Variants in CPXM2 observed in about 807,000 individuals in gnomAD.
CPXM2 encodes the protein carboxypeptidase X, M14 family member 2.
In CPXM2, 66 loss-of-function variants were observed where a neutral mutation model predicts 86.1. The ratio of observed to expected loss-of-function variants is 0.77; its 90% confidence interval spans 0.63 to 0.94. The LOEUF (loss-of-function observed/expected upper bound fraction) is 0.94, where lower values mean the gene tolerates loss of function less well. Among genes scored for constraint, CPXM2 ranks in the 40% least tolerant of loss-of-function variants. The pLI, the probability that CPXM2 is intolerant of heterozygous loss-of-function variation, is 0.00. For missense variants in CPXM2, 948 were observed against 1,026.3 expected, an observed-to-expected ratio of 0.92 and a Z score of 1.04; for synonymous variants, 388 against 400.2, an observed-to-expected ratio of 0.97 and a Z score of 0.36.
At chr10:123,886,321 A>G (rs1414251773) in intron 1 of CPXM2, among the ~76,000 whole-genome samples, 1 of 152,220 alleles carries the variant, frequency 6.6e-6, no homozygotes. Flanking sequence ...AGACATTTCC[A>G]TCCAAAAGCC....
In CPXM2 at chr10:123,792,889, A is replaced by G. The variant is rs372458686; in HGVS notation, c.889+5087T>C. 1.7e-3 allele frequency among the ~76,000 whole-genome samples: 266 copies of G among 152,326 alleles called. 1 individual carries two copies. The highest frequency in any genetic ancestry group is 6.1e-3 in the African/African-American group (253 of 41,578). The stretch of plus-strand genomic sequence containing the variant: ...CAGAGCCACCGGCAGGAAAGACCTA[A>G]GGCAACCCAGAGCAGAGCTGGGACC... On this transcript the variant is annotated intron_variant, in intron 6 of 13. Coordinates refer to ENST00000241305, the MANE Select transcript of CPXM2 (RefSeq NM_198148.3).
At chr10:123,895,264 C>T (rs1945327947), upstream of CPXM2, among the ~76,000 whole-genome samples, 1 of 151,650 alleles carries the variant, frequency 6.6e-6, no homozygotes. Flanking sequence ...GCTGGGATTA[C>T]AGGTGCCTAC....
chr10:123,800,771 A>T (rs1206926102), intron 4 of CPXM2, among the ~76,000 whole-genome samples: 1 of 113,052 alleles, frequency 8.8e-6, no homozygotes, highest in Non-Finnish European at 2.1e-5. Flanking sequence ...GCCAAGTCAT[A>T]ATTTCTCAAA....
At position 123,750,340 on chromosome 10, in the gene CPXM2, C is replaced by T. The variant is rs1022194472; in HGVS notation, c.2018-3323G>A. On this transcript the variant is annotated intron_variant, in intron 13 of 13. Coordinates refer to ENST00000241305, the MANE Select transcript of CPXM2 (RefSeq NM_198148.3). ...CCTGGGGGCCCCTTCCACATCATTG[C>T]ACTCCACTGCTCCCAGCCGGCCTCT... 11 of 972,984 alleles carry T rather than the reference C, an allele frequency of 1.1e-5. No individual in the cohort carries two copies. In the African/African-American group the frequency reaches 1.8e-4, roughly 16 times the overall value. 60.3% of individuals were successfully genotyped at this position (972,984 alleles called of 1,614,324 possible). A position where few individuals can be genotyped will look rare whatever the true frequency, so the allele number is the denominator to read the frequency against.
intron 2 of CPXM2, among the ~76,000 whole-genome samples, chr10:123,925,777 A>C (rs1265422563): frequency 6.6e-6 from 1 of 152,160 alleles, no homozygotes; most frequent in Non-Finnish European, 1.5e-5. Context: ...TTCATTCCAC[A>C]AATATTTAGT....
chr10:123,754,841 A>G lies in CPXM2; in HGVS notation c.1918-79T>C. 1.2e-6 allele frequency: 1 copy of G among 808,800 alleles called. No homozygotes were observed. The highest frequency in any genetic ancestry group is 2.2e-6 in the Non-Finnish European group (1 of 456,022). 50.1% of individuals were successfully genotyped at this position (808,800 alleles called of 1,614,324 possible). ...ACCGGCACAACAGAGTGGGCTGTCAACCCACCATTGGCCGGTTCCCACCAA... is the reference window on the plus strand; with the variant it reads ...ACCGGCACAACAGAGTGGGCTGTCAGCCCACCATTGGCCGGTTCCCACCAA... On this transcript the variant is annotated intron_variant, in intron 12 of 13. Coordinates refer to ENST00000241305, the MANE Select transcript of CPXM2 (RefSeq NM_198148.3). The surrounding 1 kb of genome is among the most constrained non-coding windows in gnomAD (Gnocchi z 4.0).
chr10:123,936,274 G>C (rs1401408821), intron 2 of CPXM2, among the ~76,000 whole-genome samples: 3 of 152,204 alleles, frequency 2.0e-5, no homozygotes, highest in Non-Finnish European at 4.4e-5. Context: ...GGGAGTAAGA[G>C]TGGTCCAGAA....
At chr10:123,820,736 C>T (rs957729803) in intron 4 of CPXM2, among the ~76,000 whole-genome samples, 1 of 152,158 alleles carries the variant, frequency 6.6e-6, no homozygotes, top group African/African-American at 2.4e-5. Flanking sequence ...CATTCCCTGG[C>T]TGGTGGCCAC....
chr10:123,935,602 C>T (rs1945708296), intron 2 of CPXM2, among the ~76,000 whole-genome samples: 2 of 152,194 alleles, frequency 1.3e-5, no homozygotes, highest in South Asian at 4.1e-4. Context: ...TTGGTAAGTG[C>T]CCCAGTGTGG....
chr10:123,815,649 CT>C (rs1419039904), intron 4 of CPXM2, among the ~76,000 whole-genome samples: 1 of 152,146 alleles, frequency 6.6e-6, no homozygotes, highest in Non-Finnish European at 1.5e-5. Flanking sequence ...ATGGCTTCCC[CT>C]GAGGCAATTG....
At chr10:123,849,174 T>C (rs1295183543) in intron 3 of CPXM2, among the ~76,000 whole-genome samples, 1 of 152,244 alleles carries the variant, frequency 6.6e-6, no homozygotes, top group African/African-American at 2.4e-5. Flanking sequence ...TTTTTATCTA[T>C]TGATCGGTTT....
intron 2 of CPXM2, among the ~76,000 whole-genome samples, chr10:123,908,871 A>G (rs1033383017): frequency 6.6e-6 from 1 of 152,204 alleles, no homozygotes; most frequent in Non-Finnish European, 1.5e-5. Context: ...TCAGCAGTGT[A>G]CAATCAACAA....
At chr10:123,905,797 C>A (rs28565958) in intron 2 of CPXM2, among the ~76,000 whole-genome samples, 3,592 of 152,226 alleles carry the variant, frequency 0.024, 137 homozygotes, top group African/African-American at 0.08. Flanking sequence ...CCCACCCCAC[C>A]CTCACCCAGT....
intron 4 of CPXM2, among the ~76,000 whole-genome samples, chr10:123,812,325 G>A (rs1163790042): frequency 6.6e-6 from 1 of 152,156 alleles, no homozygotes; most frequent in Non-Finnish European, 1.5e-5. Context: ...AGTGGAAAAA[G>A]ACAATTCCAA....
chr10:123,856,837 C>T (rs970801769), intron 3 of CPXM2, among the ~76,000 whole-genome samples: 2 of 152,188 alleles, frequency 1.3e-5, no homozygotes, highest in African/African-American at 2.4e-5. Flanking sequence ...GGTGATCCAC[C>T]CGCCTCGGCC....
At chr10:123,868,556 G>C (rs1434646449) in intron 2 of CPXM2, among the ~76,000 whole-genome samples, 1 of 152,124 alleles carries the variant, frequency 6.6e-6, no homozygotes, top group African/African-American at 2.4e-5. Flanking sequence ...TTTTGCAGCA[G>C]CAACCTGTGC....
intron 4 of CPXM2, among the ~76,000 whole-genome samples, chr10:123,812,966 C>G (rs565441073): frequency 6.6e-6 from 1 of 152,248 alleles, no homozygotes; most frequent in African/African-American, 2.4e-5. Context: ...ACGCTTAATA[C>G]CTTACACATA....
chr10:123,792,907 C>G (rs1847239593), intron 6 of CPXM2, among the ~76,000 whole-genome samples: 2 of 152,344 alleles, frequency 1.3e-5, no homozygotes, highest in South Asian at 4.1e-4. Context: ...CAGAGCAGAG[C>G]TGGGACCCAC....
intron 2 of CPXM2, among the ~76,000 whole-genome samples, chr10:123,913,016 C>T (rs769636177): frequency 4.6e-5 from 7 of 152,164 alleles, no homozygotes; most frequent in Admixed American, 1.3e-4. Context: ...AATGGATCCC[C>T]GGGCTCTACT....
Sources: gnomAD v4.1 joint callset for allele counts (sites outside exome capture counted in the v4.1 genomes callset) on GRCh38, gnomAD v4.1.1 for gene constraint, Gnocchi (gnomAD v3.1) non-coding constraint, MANE v1.5 for transcripts, NCBI Gene and HGNC (gene_info 2026-07-23, HGNC 2026-07-21) for gene names.